Variants in PID1 observed in about 807,000 individuals in gnomAD.
PID1 encodes the protein PTB-containing, cubilin and LRP1-interacting protein.
PID1 carries 10 observed loss-of-function variants against 19.1 expected under a neutral mutation model. The observed-to-expected ratio is 0.52, with a 90% CI of 0.32 to 0.89. The LOEUF (loss-of-function observed/expected upper bound fraction) is 0.89. Among genes scored for constraint, PID1 ranks in the 40% least tolerant of loss-of-function variants. PID1 has a pLI of 0.03. For missense variants in PID1, 248 were observed against 285.3 expected (o/e 0.87, Z 0.94); for synonymous variants, 130 against 116.0 (o/e 1.12, Z -0.78).
At chr2:229,226,677 G>A (rs908177922) in intron 1 of PID1, among the ~76,000 whole-genome samples, 7 of 152,162 alleles carry the variant, frequency 4.6e-5, no homozygotes, top group Non-Finnish European at 1.0e-4. Context: ...GAGCCTGGAA[G>A]GACTCGTGAT....
intron 1 of PID1, among the ~76,000 whole-genome samples, chr2:229,185,065 C>CAT (rs68153691): frequency 3.0e-4 from 2 of 6,772 alleles, no homozygotes; most frequent in Non-Finnish European, 7.9e-4. Flanking sequence ...ATATATCCTC[C>CAT]ATATATATAT....
chr2:229,245,653 C>A (rs542801553), intron 1 of PID1, among the ~76,000 whole-genome samples: 6 of 152,064 alleles, frequency 3.9e-5, no homozygotes, highest in African/African-American at 1.4e-4. Context: ...AATACTTGAA[C>A]GTATTTTATA....
chr2:229,170,218 G>A (rs1350811701), intron 1 of PID1, among the ~76,000 whole-genome samples: 1 of 152,210 alleles, frequency 6.6e-6, no homozygotes, highest in East Asian at 1.9e-4. Context: ...GTGTGTATGT[G>A]TGTGTGTTTG....
intron 2 of PID1, among the ~76,000 whole-genome samples, chr2:229,051,549 G>A (rs181961293): frequency 3.9e-5 from 6 of 152,190 alleles, no homozygotes; most frequent in Admixed American, 1.3e-4. Context: ...TGTTGCCCAG[G>A]CTGGTCTCGA....
chr2:229,055,184 T>C (rs1401864397), intron 2 of PID1, among the ~76,000 whole-genome samples: 5 of 152,186 alleles, frequency 3.3e-5, no homozygotes, highest in African/African-American at 9.6e-5. Flanking sequence ...GAAACATGCA[T>C]GGGTGCCTGA....
intron 2 of PID1, among the ~76,000 whole-genome samples, chr2:229,118,279 G>A (rs985728793): frequency 5.3e-5 from 8 of 152,180 alleles, no homozygotes; most frequent in Non-Finnish European, 8.8e-5. Context: ...ATTTGGAAAT[G>A]TTCCCACACT....
intron 2 of PID1, among the ~76,000 whole-genome samples, chr2:229,100,902 C>T (rs548657569): frequency 3.3e-5 from 5 of 152,310 alleles, no homozygotes; most frequent in Admixed American, 1.3e-4. Context: ...TAAGGTCTGG[C>T]GACTAGTCAG....
rs190153410 is a variant in PID1, at chr2:229,176,368, G to A, written c.31-20404C>T. The stretch of plus-strand genomic sequence containing the variant: ...CACATGCCCAGCTGACTTTGCCCAG[G>A]GGGCATATGATTTTCAATCCCTGGA... On this transcript the variant is annotated intron_variant, in intron 1 of 2. Transcript: ENST00000392055. Among the ~76,000 whole-genome samples the A allele has an allele frequency of 2.0e-3, 311 of 152,218 alleles. 2 individuals are homozygous for A. Among genetic ancestry groups the A allele is most frequent in the African/African-American group, 7.3e-3 (302 of 41,532 alleles).
At chr2:229,211,051 T>C (rs1479860780) in intron 1 of PID1, among the ~76,000 whole-genome samples, 1 of 152,164 alleles carries the variant, frequency 6.6e-6, no homozygotes, top group Non-Finnish European at 1.5e-5. Flanking sequence ...CGAAGAAATA[T>C]TTACTGTGGC....
intron 1 of PID1, among the ~76,000 whole-genome samples, chr2:229,218,914 C>T (rs1691907343): frequency 6.6e-6 from 1 of 152,178 alleles, no homozygotes; most frequent in African/African-American, 2.4e-5. Context: ...ATCCATACTC[C>T]TTTCTTTGTA....
intron 1 of PID1, among the ~76,000 whole-genome samples, chr2:229,265,276 G>A (rs568578628): frequency 1.3e-5 from 2 of 152,354 alleles, no homozygotes; most frequent in South Asian, 2.1e-4. Flanking sequence ...CATCAGGCAT[G>A]GGAAAGAAGA....
At chr2:229,201,051 C>A (rs1691488653) in intron 1 of PID1, among the ~76,000 whole-genome samples, 1 of 151,980 alleles carries the variant, frequency 6.6e-6, no homozygotes, top group South Asian at 2.1e-4. Flanking sequence ...ACTAGGAAAG[C>A]CATTTTTTAA....
At chr2:229,192,322 T>G (rs1368063510) in intron 1 of PID1, among the ~76,000 whole-genome samples, 1 of 152,150 alleles carries the variant, frequency 6.6e-6, no homozygotes, top group Non-Finnish European at 1.5e-5. Context: ...CTAGTATGAC[T>G]TCCTTACAAC....
intron 1 of PID1, among the ~76,000 whole-genome samples, chr2:229,255,003 A>C (rs1300863629): frequency 1.3e-5 from 2 of 152,208 alleles, no homozygotes; most frequent in African/African-American, 2.4e-5. Flanking sequence ...GAGAGTATGC[A>C]CACTAAATCT....
At chr2:229,203,960 G>C (rs1017361909) in intron 1 of PID1, among the ~76,000 whole-genome samples, 1 of 151,978 alleles carries the variant, frequency 6.6e-6, no homozygotes, top group Non-Finnish European at 1.5e-5. Context: ...TAGACCATTA[G>C]ACCTATTTAG....
chr2:229,156,113 A>T (rs752952756), intron 1 of PID1, 149 bp from the exon 2 acceptor site: 2 of 656,312 alleles, frequency 3.0e-6, no homozygotes, highest in Non-Finnish European at 5.2e-6. Flanking sequence ...GAGGAGGGGG[A>T]ACTGTGTCCT....
chr2:229,160,226 C>T (rs191501253), intron 1 of PID1, among the ~76,000 whole-genome samples: 20 of 152,292 alleles, frequency 1.3e-4, no homozygotes, highest in Non-Finnish European at 1.8e-4. Context: ...TCTTCCCATC[C>T]GTGTTGTAAA....
chr2:229,230,871 T>C (rs749982230), intron 1 of PID1, among the ~76,000 whole-genome samples: 1 of 152,268 alleles, frequency 6.6e-6, no homozygotes, highest in East Asian at 1.9e-4. Flanking sequence ...ATATAGAATA[T>C]AAGTATAGAA....
chr2:229,158,759 GT>G (rs972142366), intron 1 of PID1, among the ~76,000 whole-genome samples: 1 of 152,158 alleles, frequency 6.6e-6, no homozygotes, highest in Non-Finnish European at 1.5e-5. Context: ...CTTCGCCTCA[GT>G]AAAAACTGCC....
Sources: gnomAD v4.1 joint callset for allele counts (sites outside exome capture counted in the v4.1 genomes callset) on GRCh38, gnomAD v4.1.1 for gene constraint, MANE v1.5 for transcripts, NCBI Gene and HGNC (gene_info 2026-07-23, HGNC 2026-07-21) for gene names.